Variants in SYNE2 observed in about 807,000 individuals in gnomAD.
The protein encoded by SYNE2 is spectrin repeat containing nuclear envelope protein 2, also known as nesprin-2.
A neutral mutation model predicts 856.3 loss-of-function variants in SYNE2; 431 were observed. The observed-to-expected ratio is 0.50, with a 90% CI of 0.47 to 0.55. The LOEUF (loss-of-function observed/expected upper bound fraction) is 0.55, where lower values mean the gene tolerates loss of function less well. Ranked by LOEUF, SYNE2 falls within the 20% of genes least tolerant of loss-of-function variation. SYNE2 has a pLI of 0.00. For missense variants in SYNE2, 8,129 were observed against 8,023.2 expected, an observed-to-expected ratio of 1.01 and a Z score of -0.50; for synonymous variants, 2,923 against 2,872.3, an observed-to-expected ratio of 1.02 and a Z score of -0.56.
At chr14:64,096,879 G>C (rs1567284484) in intron 61 of SYNE2, among the ~76,000 whole-genome samples, 1 of 152,186 alleles carries the variant, frequency 6.6e-6, no homozygotes, top group Non-Finnish European at 1.5e-5. Context: ...CTGACAGCAA[G>C]AAAGGAAGAC....
At chr14:64,089,490 G>C in intron 58 of SYNE2, 84 bp from the exon 59 acceptor site, 1 of 1,345,376 alleles carries the variant, frequency 7.4e-7, no homozygotes, top group Non-Finnish European at 1.0e-6. Flanking sequence ...CTAAATAAGA[G>C]AATAAAATTA....
intron 32 of SYNE2, 50 bp from the exon 33 acceptor site, chr14:64,016,423 T>G: frequency 8.1e-7 from 1 of 1,238,282 alleles, no homozygotes; most frequent in African/African-American, 1.5e-5. Flanking sequence ...GATTCTTAGC[T>G]GTTTGTCTAT....
chr14:64,124,981 C>T lies in SYNE2; in HGVS notation c.13423-98C>T, dbSNP rs147955890. 1.8e-4 allele frequency: 268 copies of T among 1,488,452 alleles called. No homozygotes were observed. The African/African-American group carries it at 3.3e-3, about 18-fold the overall frequency. 92.2% of individuals were successfully genotyped at this position (1,488,452 alleles called of 1,614,324 possible). On this transcript the variant is annotated intron_variant, in intron 70 of 115. Transcript: ENST00000555002. ...TCATGCCACTGCACTCCAGCCTGGG[C>T]GACAGAGCAAGACTCCATCTCGAAA...
At chr14:64,091,905 C>T (rs2097620187) in intron 60 of SYNE2, among the ~76,000 whole-genome samples, 1 of 152,042 alleles carries the variant, frequency 6.6e-6, no homozygotes, top group Admixed American at 6.6e-5. Flanking sequence ...AGAAAAATGA[C>T]TATATGTTTT....
At chr14:64,190,432 A>C (rs972556184) in intron 99 of SYNE2, among the ~76,000 whole-genome samples, 195 bp downstream of exon 99, 2 of 152,222 alleles carry the variant, frequency 1.3e-5, no homozygotes, top group Non-Finnish European at 2.9e-5. Context: ...TCCCACCTTA[A>C]TATTTTTTCT....
intron 57 of SYNE2, among the ~76,000 whole-genome samples, chr14:64,081,812 G>A (rs1435960078): frequency 1.3e-5 from 2 of 152,088 alleles, no homozygotes; most frequent in Non-Finnish European, 2.9e-5. Context: ...GGATAATTTA[G>A]TATATCTTCT....
At chr14:63,981,279 T>G (rs2096583498) in intron 16 of SYNE2, 106 bp downstream of exon 16, 1 of 1,019,426 alleles carries the variant, frequency 9.8e-7, no homozygotes. Context: ...AGTACACCAG[T>G]GTTTTGGAAA....
intron 1 of SYNE2, among the ~76,000 whole-genome samples, chr14:63,830,375 A>G (rs1889624971): frequency 6.6e-6 from 1 of 152,242 alleles, no homozygotes; most frequent in Non-Finnish European, 1.5e-5. Context: ...AAAAATTAAA[A>G]ATGGGCCAGA....
chr14:63,849,658 A>T (rs529704334), upstream of SYNE2, among the ~76,000 whole-genome samples: 19 of 152,346 alleles, frequency 1.2e-4, no homozygotes, highest in African/African-American at 4.3e-4. Flanking sequence ...GGATGCAAGT[A>T]TAAACACATG....
At chr14:63,813,252 CT>C (rs755038520) in intron 1 of SYNE2, among the ~76,000 whole-genome samples, 1 of 152,150 alleles carries the variant, frequency 6.6e-6, no homozygotes, top group Non-Finnish European at 1.5e-5. Flanking sequence ...AGAAATTAGT[CT>C]TATTGTCATT....
chr14:63,991,177 AT>A, intron 21 of SYNE2, 62 bp downstream of exon 21: 1 of 1,516,126 alleles, frequency 6.6e-7, no homozygotes, highest in Non-Finnish European at 9.1e-7. Context: ...CTTGTTTGAA[AT>A]CAAGATGTTT....
chr14:64,012,182 T>G (rs557116850), intron 32 of SYNE2, among the ~76,000 whole-genome samples: 9 of 152,344 alleles, frequency 5.9e-5, no homozygotes, highest in Admixed American at 2.6e-4. Flanking sequence ...CAAATGGCCT[T>G]GCTTCTTATT....
chr14:63,814,495 C>G (rs1424561226), intron 1 of SYNE2, among the ~76,000 whole-genome samples: 11 of 57,504 alleles, frequency 1.9e-4, no homozygotes, highest in Non-Finnish European at 4.3e-4. Context: ...TTATATATAT[C>G]CATATATATA....
chr14:63,832,227 T>C lies in SYNE2; in HGVS notation c.-304-20274T>C, dbSNP rs550559046. ...CAGAAATAAAAGGAGGCCAGCTGAG[T>C]GTGGTGGCCCACACTTGTAATCCCA... On this transcript the variant is annotated intron_variant, in intron 1 of 23. Coordinates refer to the SYNE2 transcript ENST00000674003. 2.6e-5 allele frequency among the ~76,000 whole-genome samples: 4 copies of C among 151,994 alleles called. No homozygotes were observed. The South Asian group carries it at 6.3e-4, about 24-fold the overall frequency.
intron 48 of SYNE2, among the ~76,000 whole-genome samples, chr14:64,054,314 G>A (rs1335364372): frequency 6.6e-6 from 1 of 152,068 alleles, no homozygotes; most frequent in Admixed American, 6.5e-5. Flanking sequence ...TGGTGTAGAG[G>A]GAAGAACACC....
chr14:63,949,735 C>CT (rs1566887442), intron 6 of SYNE2, 90 bp from the exon 7 acceptor site: 1 of 1,319,038 alleles, frequency 7.6e-7, no homozygotes, highest in African/African-American at 1.5e-5. Context: ...TCACAGGATG[C>CT]TTTTTAGGTC....
At chr14:63,994,257 C>T (rs1290848298) in intron 22 of SYNE2, among the ~76,000 whole-genome samples, 2 of 151,984 alleles carry the variant, frequency 1.3e-5, no homozygotes, top group East Asian at 3.9e-4. Flanking sequence ...AGAATTGATG[C>T]AAGGATTTAT....
intron 1 of SYNE2, among the ~76,000 whole-genome samples, chr14:63,787,540 G>A (rs1430450574): frequency 1.3e-5 from 2 of 152,214 alleles, no homozygotes; most frequent in Non-Finnish European, 2.9e-5. Context: ...TGGACGATGA[G>A]CAAGATGAAG....
At chr14:64,068,593 G>T (rs2097375330) in intron 51 of SYNE2, among the ~76,000 whole-genome samples, 1 of 152,078 alleles carries the variant, frequency 6.6e-6, no homozygotes. Context: ...CAGGAGCAGT[G>T]GCTCACGCCT....
Sources: gnomAD v4.1 joint callset for allele counts (sites outside exome capture counted in the v4.1 genomes callset) on GRCh38, gnomAD v4.1.1 for gene constraint, MANE v1.5 for transcripts, NCBI Gene and HGNC (gene_info 2026-07-23, HGNC 2026-07-21) for gene names.